The following ARHGEF11 variants were observed in gnomAD, a reference collection of about 807,000 sequenced individuals.
ARHGEF11 encodes Rho guanine exchange factor (GEF) 11.
Under a neutral mutation model 193.7 loss-of-function variants are expected in ARHGEF11, and 55 were observed. That is an observed-to-expected ratio of 0.28 (90% CI 0.23 to 0.36). The LOEUF (loss-of-function observed/expected upper bound fraction) is 0.36, where lower values mean the gene tolerates loss of function less well. Ranked by LOEUF, ARHGEF11 falls within the 10% of genes least tolerant of loss-of-function variation. ARHGEF11 has a pLI of 1.00. For synonymous variants in ARHGEF11, 693 were observed against 768.0 expected (o/e 0.90, Z 1.62); for missense variants, 1,723 against 2,005.6 (o/e 0.86, Z 2.69).
chr1:156,944,391 G>A lies in ARHGEF11; in HGVS notation c.3034C>T (p.Leu1012=). Residue 1012 remains leucine (L), a synonymous_variant, in exon 31 of 41, where the codon CTG becomes TTG. Transcript: ENST00000368194. ...TTATCCTTGCTGATCCTCCAGGTCAGGGGTCCCTCATGGATCATTTTTCTG... is the reference window on the plus strand; with the variant it reads ...TTATCCTTGCTGATCCTCCAGGTCAAGGGTCCCTCATGGATCATTTTTCTG... ...TTRKMIHEGP[L]TWRISKDKTL... The A allele has an allele frequency of 1.9e-6, 3 of 1,614,144 alleles. No homozygotes were observed. The highest frequency in any genetic ancestry group is 2.5e-6 in the Non-Finnish European group (3 of 1,180,034).
intron 1 of ARHGEF11, among the ~76,000 whole-genome samples, chr1:157,012,371 T>C (rs1234619888): frequency 6.6e-6 from 1 of 152,116 alleles, no homozygotes; most frequent in Non-Finnish European, 1.5e-5. Context: ...AGGGTTTCCA[T>C]TTGGGATACT....
At position 156,986,114 on chromosome 1, in the gene ARHGEF11, T is replaced by C. The variant is rs1167149885; in HGVS notation, c.92A>G (p.His31Arg). The C allele has an allele frequency of 6.2e-7, 1 of 1,613,724 alleles. No homozygotes were observed. The highest frequency in any genetic ancestry group is 8.5e-7 in the Non-Finnish European group (1 of 1,179,866). ...SAPERKSPSH[H>R]RQPSDASETT... ...CTCAGAGGCATCCGAAGGCTGGCGA[T>C]GGTGGGAAGGGGACTTGCGCTCTGG... The change falls in exon 2 of 41, where the codon CAT becomes CGT. Residue 31 changes from histidine to arginine, a missense_variant. His to Arg is a conservative substitution (Grantham distance 29). Coordinates refer to ENST00000368194, the MANE Select transcript of ARHGEF11 (RefSeq NM_198236.3).
chr1:156,977,191 G>T, intron 6 of ARHGEF11, 137 bp from the exon 7 acceptor site: 2 of 748,980 alleles, frequency 2.7e-6, no homozygotes, highest in Non-Finnish European at 4.5e-6. Context: ...TCAGTACCTT[G>T]CCGGAATGCA....
chr1:156,977,086 TA>T (rs1471833584), intron 6 of ARHGEF11, 32 bp from the exon 7 acceptor site: 1 of 1,594,686 alleles, frequency 6.3e-7, no homozygotes, highest in South Asian at 1.1e-5. Context: ...ATATAAGAGT[TA>T]GGGACTAACT....
At chr1:157,021,869 T>A (rs1276637242) in intron 1 of ARHGEF11, among the ~76,000 whole-genome samples, 1 of 152,226 alleles carries the variant, frequency 6.6e-6, no homozygotes, top group East Asian at 1.9e-4. Context: ...GTGGGATTTA[T>A]CCCAGGAATG....
At position 156,948,421 on chromosome 1, in the gene ARHGEF11, T is replaced by C; in HGVS notation, c.2003A>G (p.Glu668Gly). Residue 668 changes from glutamate (E) to glycine (G), a missense_variant, in exon 23 of 41, where the codon GAG (glutamate) becomes GGG (glycine). Glu to Gly is a moderately conservative substitution (Grantham distance 98). Coordinates refer to ENST00000368194, the MANE Select transcript of ARHGEF11 (RefSeq NM_198236.3). The surrounding 1 kb of genome is among the most constrained non-coding windows in gnomAD (Gnocchi z 4.2). ...REEMKRSRKA[E>G]NVPRSRSDVD... ...ATCACTGCGAGAGCGGGGCACGTTC[T>C]CTGCCTTTCGAGACCGTTTCATCTC... is the stretch of plus-strand genomic sequence containing the variant. 1.2e-6 allele frequency: 2 copies of C among 1,614,232 alleles called. No homozygotes were observed. The highest frequency in any genetic ancestry group is 1.7e-6 in the Non-Finnish European group (2 of 1,180,042).
At chr1:156,987,643 G>A (rs975227566) in intron 1 of ARHGEF11, among the ~76,000 whole-genome samples, 90 of 152,100 alleles carry the variant, frequency 5.9e-4, no homozygotes, top group African/African-American at 2.1e-3. Flanking sequence ...ACCATGTGAG[G>A]GTACAAGTAA....
In ARHGEF11 at chr1:156,940,294, T is replaced by C. The variant is rs1172087811; in HGVS notation, c.3646A>G (p.Arg1216Gly). 3 of 1,613,736 alleles carry C rather than the reference T, an allele frequency of 1.9e-6. No homozygotes were observed. In the Admixed American group the frequency reaches 5.0e-5, roughly 27 times the overall value. ...CPSTSLDGEN[R>G]GIRTRNPIHL... ...ATGGGGTTCCTTGTCCTGATGCCCC[T>C]GTTCTCTCCATCCAGGGATGTGGAA... The change falls in exon 36 of 41, where the codon AGG becomes GGG. Residue 1216 changes from arginine (R) to glycine (G), a missense_variant. Arg to Gly is a moderately radical substitution (Grantham distance 125). Around this residue, in one of 5 missense-constraint regions of ARHGEF11, gnomAD observed 203 missense variants for 237.3 expected, o/e 0.86. Transcript: ENST00000368194.
Position 156,955,633 on chromosome 1 carries a change from T to C in ARHGEF11, c.1768+70A>G, listed in dbSNP as rs1336988207. On this transcript the variant is annotated intron_variant, in intron 20 of 40. Coordinates refer to ENST00000368194, the MANE Select transcript of ARHGEF11 (RefSeq NM_198236.3). ...AACACAGGAAGGCCCTCTGCCAACA[T>C]ACTGGTACATGAAAGGGCTGAGGTC... The C allele has an allele frequency of 4.0e-6, 5 of 1,235,818 alleles. No homozygotes were observed. The Admixed American group carries it at 8.5e-5, about 21-fold the overall frequency. The allele number at this position is 1,235,818 out of a possible 1,614,324, so 76.6% of individuals were successfully genotyped here.
intron 1 of ARHGEF11, among the ~76,000 whole-genome samples, chr1:156,998,561 G>A (rs963389344): frequency 6.6e-6 from 1 of 152,162 alleles, no homozygotes; most frequent in Non-Finnish European, 1.5e-5. Context: ...AAGAATTGGT[G>A]TAATGTAAGT....
At chr1:157,042,089 A>G (rs1299831889) in intron 1 of ARHGEF11, among the ~76,000 whole-genome samples, 1 of 152,208 alleles carries the variant, frequency 6.6e-6, no homozygotes, top group Non-Finnish European at 1.5e-5. Context: ...AGGGAGTAAG[A>G]TTCAGTGCAG....
Position 156,947,874 on chromosome 1 carries a change from C to T in ARHGEF11, c.2236G>A (p.Asp746Asn). 6.2e-7 allele frequency: 1 copy of T among 1,614,142 alleles called. No homozygotes were observed. ...LLEDDLGQLS[D>N]LEPEPDAQNW... ...TGGGCATCTGGCTCTGGCTCCAGGT[C>T]AGACAGCTGGCCCAGATCATCCTCT... Residue 746 changes from aspartate to asparagine, a missense_variant, in exon 25 of 41, where the codon GAC becomes AAC. By Grantham distance (23) the Asp-to-Asn change is conservative. This residue lies in a region of ARHGEF11 where 491 missense variants were observed against 654.5 expected (regional missense o/e 0.75). Transcript: ENST00000368194.
intron 10 of ARHGEF11, among the ~76,000 whole-genome samples, chr1:156,968,374 T>C (rs1428738211): frequency 6.6e-6 from 1 of 152,220 alleles, no homozygotes; most frequent in Non-Finnish European, 1.5e-5. Flanking sequence ...TCCAAGAGGT[T>C]ATGAGACTTG....
intron 29 of ARHGEF11, chr1:156,945,584 G>A (rs1212103883): frequency 8.0e-6 from 2 of 251,206 alleles, no homozygotes; most frequent in Non-Finnish European, 1.5e-5. Context: ...TTTGGGGGTA[G>A]TGAAAGATGC....
At chr1:157,030,379 C>A (rs1671150052) in intron 1 of ARHGEF11, among the ~76,000 whole-genome samples, 1 of 152,070 alleles carries the variant, frequency 6.6e-6, no homozygotes, top group Non-Finnish European at 1.5e-5. Flanking sequence ...GCCACTCTCC[C>A]CACCATTAAC....
chr1:156,957,323 T>C (rs1042078615), intron 18 of ARHGEF11, among the ~76,000 whole-genome samples: 2 of 151,694 alleles, frequency 1.3e-5, no homozygotes, highest in Admixed American at 6.6e-5. Flanking sequence ...AACAATGAGA[T>C]AAATATATAG....
chr1:156,969,264 TG>T lies in ARHGEF11; in HGVS notation c.825+17del. On this transcript the variant is annotated intron_variant, in intron 10 of 40. Coordinates refer to ENST00000368194, the MANE Select transcript of ARHGEF11 (RefSeq NM_198236.3). The stretch of plus-strand genomic sequence containing the variant: ...CCGAATGCACGTTCTGAATGGGCCT[TG>T]CCCTGCTGGGACTCACCTCACTGAG... 6.3e-7 allele frequency: 1 copy of T among 1,579,132 alleles called. No homozygotes were observed. Among genetic ancestry groups the T allele is most frequent in the Non-Finnish European group, 8.6e-7 (1 of 1,161,112 alleles).
chr1:156,945,061 G>A lies in ARHGEF11; in HGVS notation c.2949C>T (p.Thr983=), dbSNP rs748386653. The stretch of plus-strand genomic sequence containing the variant: ...GGGGGTTGCTGGCCCTCTCCAGGGC[G>A]GTGGCATCCAGGCGTTTCTGGTAGC... The part of the protein sequence containing the change: ...LEGYQKRLDA[T]ALERASNPLA... The change falls in exon 30 of 41, where the codon ACC becomes ACT. Residue 983 remains threonine, a synonymous_variant. Coordinates refer to ENST00000368194, the MANE Select transcript of ARHGEF11 (RefSeq NM_198236.3). 48 of 1,614,010 alleles carry A rather than the reference G, an allele frequency of 3.0e-5. No individual in the cohort carries two copies. The East Asian group carries it at 4.0e-4, about 13-fold the overall frequency.
At chr1:156,956,938 G>C (rs1660042036) in intron 18 of ARHGEF11, among the ~76,000 whole-genome samples, 1 of 152,192 alleles carries the variant, frequency 6.6e-6, no homozygotes, top group African/African-American at 2.4e-5. Context: ...AGGACTGGCT[G>C]AGGTCTGCAG....
Sources: gnomAD v4.1 joint callset for allele counts (sites outside exome capture counted in the v4.1 genomes callset) on GRCh38, gnomAD v4.1.1 for gene constraint, gnomAD v4.1.1 regional missense constraint, Gnocchi (gnomAD v3.1) non-coding constraint, MANE v1.5 for transcripts, NCBI Gene and HGNC (gene_info 2026-07-23, HGNC 2026-07-21) for gene names.